SYT9: variants seen among roughly 807,000 people sequenced by gnomAD.
The protein encoded by SYT9 is synaptotagmin-9.
A neutral mutation model predicts 48.4 loss-of-function variants in SYT9; 22 were observed. That is an observed-to-expected ratio of 0.45 (90% CI 0.32 to 0.65). The LOEUF (loss-of-function observed/expected upper bound fraction) is 0.65, where lower values mean the gene tolerates loss of function less well. Among genes scored for constraint, SYT9 ranks in the 30% least tolerant of loss-of-function variants. The probability of loss-of-function intolerance (pLI) is 0.03; values close to 1 mark genes in which losing one functional copy is unlikely to be tolerated. For synonymous variants in SYT9, 265 were observed against 245.0 expected (o/e 1.08, Z -0.76); for missense variants, 577 against 622.0 (o/e 0.93, Z 0.77).
chr11:7,324,490 T>A (rs758237302), intron 3 of SYT9, among the ~76,000 whole-genome samples: 27 of 151,952 alleles, frequency 1.8e-4, no homozygotes, highest in Non-Finnish European at 3.5e-4. Flanking sequence ...GGTTAGTAAT[T>A]TGCAGTCTTT....
chr11:7,372,377 A>G (rs1195142531), intron 3 of SYT9, among the ~76,000 whole-genome samples: 1 of 152,148 alleles, frequency 6.6e-6, no homozygotes, highest in East Asian at 1.9e-4. Flanking sequence ...CAGTGGCACA[A>G]TCTCAGCTTG....
chr11:7,329,592 G>C (rs1221290053), intron 3 of SYT9, among the ~76,000 whole-genome samples: 1 of 152,166 alleles, frequency 6.6e-6, no homozygotes, highest in East Asian at 1.9e-4. Context: ...GAAAAAGAAA[G>C]CAGTCCTAAA....
At chr11:7,366,970 TTA>T (rs1460743144) in intron 3 of SYT9, among the ~76,000 whole-genome samples, 3 of 151,744 alleles carry the variant, frequency 2.0e-5, no homozygotes, top group Non-Finnish European at 2.9e-5. Flanking sequence ...CTTATAGATA[TTA>T]TACCTGATTC....
chr11:7,454,703 T>A (rs1848115983), intron 6 of SYT9, among the ~76,000 whole-genome samples: 1 of 152,292 alleles, frequency 6.6e-6, no homozygotes, highest in East Asian at 1.9e-4. Flanking sequence ...GGCATTACCT[T>A]TAATAACCTA....
chr11:7,251,411 A>G (rs143103986), upstream of SYT9, among the ~76,000 whole-genome samples: 106 of 152,180 alleles, frequency 7.0e-4, no homozygotes, highest in African/African-American at 2.5e-3. Flanking sequence ...CATCCAAATC[A>G]CCACAGTGGT....
intron 3 of SYT9, among the ~76,000 whole-genome samples, chr11:7,373,620 A>G (rs974238410): frequency 1.3e-5 from 2 of 152,110 alleles, no homozygotes; most frequent in Non-Finnish European, 2.9e-5. Context: ...TAGGGCAGCA[A>G]TAAACACAGT....
chr11:7,382,487 A>T (rs1850583975), intron 3 of SYT9, among the ~76,000 whole-genome samples: 1 of 152,138 alleles, frequency 6.6e-6, no homozygotes, highest in Non-Finnish European at 1.5e-5. Context: ...GGCTGTGAGC[A>T]AGGGAGGAAA....
chr11:7,462,060 C>T (rs1848246329), intron 6 of SYT9, among the ~76,000 whole-genome samples: 1 of 152,058 alleles, frequency 6.6e-6, no homozygotes, highest in Non-Finnish European at 1.5e-5. Context: ...GAATTCATTT[C>T]TGGACTAAGA....
upstream of SYT9, among the ~76,000 whole-genome samples, chr11:7,247,507 A>T (rs551737837): frequency 6.7e-6 from 1 of 149,544 alleles, no homozygotes; most frequent in African/African-American, 2.5e-5. Flanking sequence ...ATATACACAT[A>T]TATACATATA....
Position 7,467,030 on chromosome 11 carries a change from C to G in SYT9, c.*230C>G, listed in dbSNP as rs1008286951. On this transcript the variant is annotated 3_prime_UTR_variant, in exon 7 of 7. Coordinates refer to ENST00000318881, the MANE Select transcript of SYT9 (RefSeq NM_175733.4). ...TGATGTGCTGCAGGGAAGCATGTCT[C>G]TCATGCCAAGAACCAAGATCGGACT... The G allele has an allele frequency of 3.6e-6, 2 of 551,102 alleles. No individual in the cohort carries two copies. The highest frequency in any genetic ancestry group is 1.9e-5 in the African/African-American group (1 of 52,534). The allele number at this position is 551,102 out of a possible 1,614,324, so 34.1% of individuals were successfully genotyped here.
chr11:7,435,027 C>G (rs1847675202), intron 6 of SYT9: 1 of 152,018 alleles, frequency 6.6e-6, no homozygotes, highest in Admixed American at 6.6e-5. Flanking sequence ...GGGATCCTTG[C>G]AAAGAAAGAA....
chr11:7,330,594 A>C (rs1849510691), intron 3 of SYT9, among the ~76,000 whole-genome samples: 1 of 152,202 alleles, frequency 6.6e-6, no homozygotes, highest in Non-Finnish European at 1.5e-5. Flanking sequence ...TCTATCTAGG[A>C]AGATATAGAA....
At chr11:7,309,776 C>G (rs1849097162) in intron 2 of SYT9, among the ~76,000 whole-genome samples, 1 of 152,172 alleles carries the variant, frequency 6.6e-6, no homozygotes, top group Non-Finnish European at 1.5e-5. Context: ...ATTTTCAGCC[C>G]CCAGACCTCC....
intron 3 of SYT9, among the ~76,000 whole-genome samples, chr11:7,340,408 C>G (rs984310468): frequency 6.6e-6 from 1 of 152,172 alleles, no homozygotes; most frequent in Non-Finnish European, 1.5e-5. Flanking sequence ...AGAACTAGTG[C>G]AGACATTTGG....
chr11:7,305,013 C>G (rs1849007124), intron 2 of SYT9, among the ~76,000 whole-genome samples: 1 of 152,084 alleles, frequency 6.6e-6, no homozygotes, highest in Non-Finnish European at 1.5e-5. Context: ...TGCCATAATT[C>G]TAACAAACTG....
chr11:7,341,835 A>G (rs531418106), intron 3 of SYT9, among the ~76,000 whole-genome samples: 26 of 152,300 alleles, frequency 1.7e-4, no homozygotes, highest in African/African-American at 6.3e-4. Context: ...CTGCTGATAA[A>G]GACATACCCA....
At chr11:7,251,338 G>T (rs762750602), upstream of SYT9, among the ~76,000 whole-genome samples, 1 of 151,966 alleles carries the variant, frequency 6.6e-6, no homozygotes, top group Non-Finnish European at 1.5e-5. Flanking sequence ...TAAGCCTCAG[G>T]GTCTTTCCCA....
At chr11:7,412,344 T>C (rs143704292) in intron 3 of SYT9, among the ~76,000 whole-genome samples, 202 of 152,358 alleles carry the variant, frequency 1.3e-3, no homozygotes, top group African/African-American at 4.6e-3. Flanking sequence ...TAGAGAGGAC[T>C]CTTCTCTGAA....
At chr11:7,277,130 A>T (rs1248381972) in intron 1 of SYT9, among the ~76,000 whole-genome samples, 2 of 152,164 alleles carry the variant, frequency 1.3e-5, no homozygotes, top group Admixed American at 1.3e-4. Context: ...ATCAGATTGG[A>T]ACTCACTGAG....
Sources: allele counts gnomAD v4.1 joint callset (sites outside exome capture counted in the v4.1 genomes callset), GRCh38; gene constraint gnomAD v4.1.1; transcripts MANE v1.5; gene names NCBI Gene and HGNC (gene_info 2026-07-23, HGNC 2026-07-21).